The following ZSWIM5 variants were observed in gnomAD, a reference collection of about 807,000 sequenced individuals.
The protein encoded by ZSWIM5 is zinc finger SWIM-type containing 5.
A neutral mutation model predicts 119.6 loss-of-function variants in ZSWIM5; 55 were observed. That is an observed-to-expected ratio of 0.46 (90% CI 0.37 to 0.58). The LOEUF (loss-of-function observed/expected upper bound fraction) is 0.58. ZSWIM5 is among the 20% of genes least tolerant of loss of function. The pLI is 0.00. For synonymous variants in ZSWIM5, 537 were observed against 606.9 expected, an observed-to-expected ratio of 0.88 and a Z score of 1.69; for missense variants, 1,193 against 1,512.8, an observed-to-expected ratio of 0.79 and a Z score of 3.51.
chr1:45,173,211 G>A (rs1029191127), intron 1 of ZSWIM5, among the ~76,000 whole-genome samples: 10 of 152,036 alleles, frequency 6.6e-5, no homozygotes, highest in African/African-American at 2.4e-4. Context: ...ACTACTAGAG[G>A]AAACGTTACT....
intron 1 of ZSWIM5, among the ~76,000 whole-genome samples, chr1:45,096,291 G>A (rs770600894): frequency 5.5e-5 from 8 of 145,238 alleles, no homozygotes; most frequent in Non-Finnish European, 1.1e-4. Flanking sequence ...ACACACGCAC[G>A]CACACATACA....
chr1:45,065,407 A>G (rs1645177176), intron 2 of ZSWIM5, among the ~76,000 whole-genome samples: 1 of 152,140 alleles, frequency 6.6e-6, no homozygotes, highest in Non-Finnish European at 1.5e-5. Context: ...GTGGACTGAC[A>G]CCCTCTCCTC....
intron 1 of ZSWIM5, among the ~76,000 whole-genome samples, chr1:45,111,203 G>A (rs1363723066): frequency 6.6e-6 from 1 of 152,204 alleles, no homozygotes; most frequent in Non-Finnish European, 1.5e-5. Context: ...TGAGTAGGAA[G>A]GAGGCAGATA....
chr1:45,116,558 C>T (rs768899113), intron 1 of ZSWIM5, among the ~76,000 whole-genome samples: 6 of 152,162 alleles, frequency 3.9e-5, no homozygotes, highest in African/African-American at 9.7e-5. Flanking sequence ...ATTTACACAG[C>T]TTCTTTTTAG....
chr1:45,034,262 T>C (rs1329102591), intron 11 of ZSWIM5, 50 bp downstream of exon 11: 3 of 1,524,606 alleles, frequency 2.0e-6, no homozygotes, highest in South Asian at 1.3e-5. Context: ...CATGCCATGG[T>C]TGGGCAGGCA....
chr1:45,032,292 C>T (rs1290010805), intron 11 of ZSWIM5, among the ~76,000 whole-genome samples: 1 of 151,808 alleles, frequency 6.6e-6, no homozygotes, highest in Non-Finnish European at 1.5e-5. Context: ...GTACACCTGG[C>T]TAATTTTTAA....
At chr1:45,166,211 A>G (rs1265234770) in intron 1 of ZSWIM5, among the ~76,000 whole-genome samples, 1 of 152,160 alleles carries the variant, frequency 6.6e-6, no homozygotes, top group East Asian at 1.9e-4. Flanking sequence ...AACCAAAGAT[A>G]AAAACCACAT....
Position 45,206,147 on chromosome 1 carries a change from G to A in ZSWIM5, c.204C>T (p.Cys68=). 1.2e-6 allele frequency: 2 copies of A among 1,609,960 alleles called. No homozygotes were observed. Among genetic ancestry groups the A allele is most frequent in the South Asian group, 1.1e-5 (1 of 90,634 alleles). Residue 68 remains cysteine, a synonymous_variant, in exon 1 of 14, where the codon TGC becomes TGT. Transcript: ENST00000359600. ...PHLQPDSLLD[C]AAKTVAEKWA... ...ACTTTTCCGCCACCGTCTTGGCGGCGCAGTCCAGTAAGGAATCCGGCTGCA... is the reference window on the plus strand; with the variant it reads ...ACTTTTCCGCCACCGTCTTGGCGGCACAGTCCAGTAAGGAATCCGGCTGCA...
intron 1 of ZSWIM5, among the ~76,000 whole-genome samples, chr1:45,093,574 C>T (rs745647314): frequency 6.6e-6 from 1 of 152,192 alleles, no homozygotes; most frequent in Non-Finnish European, 1.5e-5. Flanking sequence ...CTAGGCCCAT[C>T]TGAAAGGCAG....
At chr1:45,203,358 C>CT (rs1646169063) in intron 1 of ZSWIM5, among the ~76,000 whole-genome samples, 1 of 151,800 alleles carries the variant, frequency 6.6e-6, no homozygotes, top group Admixed American at 6.6e-5. Context: ...TTTGTGCTTT[C>CT]TTTTTTCATT....
intron 2 of ZSWIM5, among the ~76,000 whole-genome samples, chr1:45,076,389 C>T (rs554776117): frequency 1.3e-5 from 2 of 152,252 alleles, no homozygotes; most frequent in South Asian, 4.1e-4. Flanking sequence ...GCCAAACATA[C>T]TACTTTAGGA....
intron 1 of ZSWIM5, among the ~76,000 whole-genome samples, chr1:45,130,200 AT>A (rs1271693808): frequency 6.6e-6 from 1 of 152,216 alleles, no homozygotes; most frequent in Admixed American, 6.5e-5. Flanking sequence ...GCCCAGCATC[AT>A]AAAAAGAAAT....
intron 1 of ZSWIM5, among the ~76,000 whole-genome samples, chr1:45,170,912 T>C (rs1360251907): frequency 6.6e-6 from 1 of 152,118 alleles, no homozygotes; most frequent in African/African-American, 2.4e-5. Context: ...AAATTAAAAA[T>C]GACTAGAATA....
At chr1:45,079,715 G>A (rs913257497) in intron 2 of ZSWIM5, among the ~76,000 whole-genome samples, 5 of 152,136 alleles carry the variant, frequency 3.3e-5, no homozygotes, top group African/African-American at 1.2e-4. Flanking sequence ...ACCACAGCTG[G>A]GAATGTCCTG....
chr1:45,102,316 T>C (rs1051380481), intron 1 of ZSWIM5, among the ~76,000 whole-genome samples: 2 of 152,066 alleles, frequency 1.3e-5, no homozygotes, highest in Non-Finnish European at 2.9e-5. Flanking sequence ...CTTTATGCCT[T>C]TGCATGTGAA....
At chr1:45,164,058 G>T (rs1163993009) in intron 1 of ZSWIM5, among the ~76,000 whole-genome samples, 1 of 152,152 alleles carries the variant, frequency 6.6e-6, no homozygotes, top group Admixed American at 6.5e-5. Flanking sequence ...AAATGTTGAG[G>T]GCAGCCAGAG....
At chr1:45,085,712 TC>T (rs1645323382) in intron 2 of ZSWIM5, among the ~76,000 whole-genome samples, 1 of 152,056 alleles carries the variant, frequency 6.6e-6, no homozygotes, top group Non-Finnish European at 1.5e-5. Flanking sequence ...TTGCTCCAGT[TC>T]CCAAAAAGCA....
intron 1 of ZSWIM5, among the ~76,000 whole-genome samples, chr1:45,149,536 T>TAAA (rs1645783129): frequency 6.6e-6 from 1 of 152,230 alleles, no homozygotes; most frequent in Non-Finnish European, 1.5e-5. Flanking sequence ...ATCAAGGGAC[T>TAAA]GATTTATAGC....
At chr1:45,067,451 A>AAAAAAAGAAAG (rs1553191166) in intron 2 of ZSWIM5, among the ~76,000 whole-genome samples, 1 of 136,682 alleles carries the variant, frequency 7.3e-6, no homozygotes, top group African/African-American at 2.8e-5. Flanking sequence ...AAAAAAAAAA[A>AAAAAAAGAAAG]AAAGAAAGAA....
Sources: allele counts gnomAD v4.1 joint callset (sites outside exome capture counted in the v4.1 genomes callset), GRCh38; gene constraint gnomAD v4.1.1; transcripts MANE v1.5; gene names NCBI Gene and HGNC (gene_info 2026-07-23, HGNC 2026-07-21).